MAMDC2: variants seen among roughly 807,000 people sequenced by gnomAD.
The protein encoded by MAMDC2 is MAM domain-containing protein 2.
In MAMDC2, 57 loss-of-function variants were observed where a neutral mutation model predicts 89.8. The ratio of observed to expected loss-of-function variants is 0.63; its 90% confidence interval spans 0.51 to 0.79. The LOEUF (loss-of-function observed/expected upper bound fraction) is 0.79. Among genes scored for constraint, MAMDC2 ranks in the 30% least tolerant of loss-of-function variants. The probability of loss-of-function intolerance (pLI) is 0.00; values close to 1 mark genes in which losing one functional copy is unlikely to be tolerated. For synonymous variants in MAMDC2, 313 were observed against 293.4 expected (o/e 1.07, Z -0.68); for missense variants, 800 against 820.6 (o/e 0.97, Z 0.31).
At chr9:70,189,277 C>T (rs953600581) in intron 11 of MAMDC2, among the ~76,000 whole-genome samples, 1 of 151,946 alleles carries the variant, frequency 6.6e-6, no homozygotes, top group Non-Finnish European at 1.5e-5. Flanking sequence ...GTCCTAAGTT[C>T]CCTTTTGTTT....
rs34946038 is a variant in MAMDC2 at position 70,068,725 on chromosome 9, C to CAAAAAAAAAA, written c.148+24038_148+24047dup. 4.0e-5 allele frequency among the ~76,000 whole-genome samples: 4 copies of CAAAAAAAAAA among 99,756 alleles called. 2 individuals carry two copies. 65.4% of individuals were successfully genotyped at this position (99,756 alleles called of 152,430 possible). A position where few individuals can be genotyped will look rare whatever the true frequency, so the allele number is the denominator to read the frequency against. On this transcript the variant is annotated intron_variant, in intron 2 of 13. Coordinates refer to ENST00000377182, the MANE Select transcript of MAMDC2 (RefSeq NM_153267.5). ...TGACAGAGTGAGACTCCCTCCATCACAAAAAAAAAAAAAAAAAAAGGCAAT... is the reference window on the plus strand; with the variant it reads ...TGACAGAGTGAGACTCCCTCCATCACAAAAAAAAAAAAAAAAAAAAAAAAAAAAAGGCAAT...
At chr9:70,088,976 A>G (rs1359643393) in intron 2 of MAMDC2, 2 of 152,130 alleles carry the variant, frequency 1.3e-5, no homozygotes, top group Non-Finnish European at 2.9e-5. Context: ...GGCACTTTCC[A>G]TGCATGATGT....
intron 6 of MAMDC2, among the ~76,000 whole-genome samples, chr9:70,130,525 T>A (rs1445595339): frequency 6.6e-6 from 1 of 152,136 alleles, no homozygotes; most frequent in African/African-American, 2.4e-5. Context: ...GATTCCCCCA[T>A]GGTCACAGGC....
intron 8 of MAMDC2, among the ~76,000 whole-genome samples, chr9:70,141,814 T>C (rs2031234230): frequency 6.6e-6 from 1 of 152,084 alleles, no homozygotes; most frequent in South Asian, 2.1e-4. Flanking sequence ...CTAGGAAATA[T>C]ATGGAGGAAA....
chr9:70,055,991 C>T (rs1423524124), intron 2 of MAMDC2, among the ~76,000 whole-genome samples: 1 of 152,178 alleles, frequency 6.6e-6, no homozygotes, highest in Non-Finnish European at 1.5e-5. Flanking sequence ...TGTTTCTATA[C>T]AGTCCTGTGA....
At chr9:70,078,535 G>A (rs1827586316) in intron 2 of MAMDC2, among the ~76,000 whole-genome samples, 1 of 152,158 alleles carries the variant, frequency 6.6e-6, no homozygotes, top group Non-Finnish European at 1.5e-5. Context: ...ACAAAGTTAG[G>A]AATTCTTATT....
chr9:70,046,848 G>C (rs1246317454), intron 2 of MAMDC2, among the ~76,000 whole-genome samples: 1 of 152,212 alleles, frequency 6.6e-6, no homozygotes, highest in African/African-American at 2.4e-5. Context: ...GAGCAGGCAG[G>C]TTAGGCTCCA....
intron 12 of MAMDC2, among the ~76,000 whole-genome samples, chr9:70,219,332 C>T (rs952704500): frequency 6.6e-6 from 1 of 152,172 alleles, no homozygotes; most frequent in Non-Finnish European, 1.5e-5. Context: ...GAGATGATAA[C>T]GTTCAGATTT....
At chr9:70,120,351 C>T (rs2030228747) in intron 5 of MAMDC2, among the ~76,000 whole-genome samples, 1 of 152,174 alleles carries the variant, frequency 6.6e-6, no homozygotes, top group Non-Finnish European at 1.5e-5. Flanking sequence ...TCAGAAATTT[C>T]TGCTCAAAAG....
chr9:70,174,487 C>T (rs2032438280), intron 11 of MAMDC2, among the ~76,000 whole-genome samples: 1 of 152,052 alleles, frequency 6.6e-6, no homozygotes, highest in Non-Finnish European at 1.5e-5. Context: ...GGAAGGTAGC[C>T]TTGAAAAGAG....
Position 70,172,943 on chromosome 9 carries a change from C to G in MAMDC2, c.1651+2312C>G, listed in dbSNP as rs878925042. ...TTAGGACTATTCTAAAAGCTTATAA[C>G]AGAAAATACAACTCAAACTGACTTA... On this transcript the variant is annotated intron_variant, in intron 11 of 13. Transcript: ENST00000377182. 2.0e-5 allele frequency: 3 copies of G among 152,720 alleles called. No individual in the cohort carries two copies. In the South Asian group the frequency reaches 6.2e-4, roughly 32 times the overall value. 9.5% of individuals were successfully genotyped at this position (152,720 alleles called of 1,614,324 possible). A position where few individuals can be genotyped will look rare whatever the true frequency, so the allele number is the denominator to read the frequency against.
chr9:70,121,486 G>T (rs895563869), intron 5 of MAMDC2, among the ~76,000 whole-genome samples: 1 of 152,114 alleles, frequency 6.6e-6, no homozygotes. Flanking sequence ...TCTGTGTATG[G>T]CAAAGCAGAA....
chr9:70,098,489 T>G (rs10868524), intron 2 of MAMDC2, among the ~76,000 whole-genome samples: 1 of 152,036 alleles, frequency 6.6e-6, no homozygotes, highest in African/African-American at 2.4e-5. Flanking sequence ...TTTAGAAATC[T>G]TGACATGTTT....
intron 2 of MAMDC2, among the ~76,000 whole-genome samples, chr9:70,069,687 G>A (rs1827357595): frequency 6.6e-6 from 1 of 152,168 alleles, no homozygotes; most frequent in Non-Finnish European, 1.5e-5. Flanking sequence ...ACTTTTTGAA[G>A]ATGATTGTCA....
intron 2 of MAMDC2, among the ~76,000 whole-genome samples, chr9:70,085,247 G>A (rs1007480125): frequency 2.6e-5 from 4 of 151,978 alleles, no homozygotes; most frequent in Non-Finnish European, 5.9e-5. Flanking sequence ...GCCTTTTACC[G>A]TGGGGGCATA....
intron 9 of MAMDC2, among the ~76,000 whole-genome samples, chr9:70,156,233 A>G (rs1046678626): frequency 3.3e-5 from 5 of 152,222 alleles, no homozygotes; most frequent in African/African-American, 1.2e-4. Context: ...TCAAATTTCC[A>G]CTTTTAAAAT....
chr9:70,080,376 G>C (rs1040503646), intron 2 of MAMDC2, among the ~76,000 whole-genome samples: 27 of 152,140 alleles, frequency 1.8e-4, no homozygotes, highest in Admixed American at 1.8e-3. Context: ...ACATTTCCAA[G>C]TCTATAGAGA....
chr9:70,078,277 T>G (rs997688004), intron 2 of MAMDC2, among the ~76,000 whole-genome samples: 1 of 152,214 alleles, frequency 6.6e-6, no homozygotes. Flanking sequence ...TTTCTCTCCT[T>G]CAGAATGTTC....
chr9:70,195,952 C>A (rs758428532), intron 11 of MAMDC2, among the ~76,000 whole-genome samples: 29 of 152,086 alleles, frequency 1.9e-4, no homozygotes, highest in Non-Finnish European at 3.7e-4. Context: ...TAAAGACATA[C>A]TTGAGACTGG....
Sources: gnomAD v4.1 joint callset for allele counts (sites outside exome capture counted in the v4.1 genomes callset) on GRCh38, gnomAD v4.1.1 for gene constraint, MANE v1.5 for transcripts, NCBI Gene and HGNC (gene_info 2026-07-23, HGNC 2026-07-21) for gene names.